SDHAF2: variants seen among roughly 807,000 people sequenced by gnomAD.
SDHAF2 encodes succinate dehydrogenase assembly factor 2, mitochondrial.
In SDHAF2, 21 loss-of-function variants were observed where a neutral mutation model predicts 18.5. That is an observed-to-expected ratio of 1.13 (90% confidence interval 0.80 to 1.63). The LOEUF (loss-of-function observed/expected upper bound fraction) is 1.63. SDHAF2 is among the 40% of genes most tolerant of loss of function. The pLI, the probability that SDHAF2 is intolerant of heterozygous loss-of-function variation, is 0.00. For missense variants in SDHAF2, 195 were observed against 200.3 expected (o/e 0.97, Z 0.16); for synonymous variants, 84 against 70.7 (o/e 1.19, Z -0.94).
In SDHAF2 at chr11:61,438,131, C is replaced by T. The variant is rs762335232; in HGVS notation, c.370+18C>T. 3 of 1,554,334 alleles carry T rather than the reference C, an allele frequency of 1.9e-6. No individual in the cohort carries two copies. The South Asian group carries it at 3.3e-5, about 17-fold the overall frequency. Reference sequence around the variant, plus strand: ...GGCCACAGGTACTGGGTATGATAAGCAGCATAATGTGAAAATAGGACAGTT... The same window carrying T: ...GGCCACAGGTACTGGGTATGATAAGTAGCATAATGTGAAAATAGGACAGTT... On this transcript the variant is annotated intron_variant, in intron 3 of 3. Coordinates refer to ENST00000301761, the MANE Select transcript of SDHAF2 (RefSeq NM_017841.4).
Position 61,446,019 on chromosome 11 carries a change from A to G in SDHAF2, c.449A>G (p.Glu150Gly), listed in dbSNP as rs1363376859. The change falls in exon 4 of 4, where the codon GAG becomes GGG. Residue 150 changes from glutamate to glycine, a missense_variant. By Grantham distance (98) the Glu-to-Gly change is moderately conservative. Coordinates refer to ENST00000301761, the MANE Select transcript of SDHAF2 (RefSeq NM_017841.4). ...GACTTTGCTAAAAACAAAAACAAAG[A>G]GCAGAGACTGCGTGCCCCAGATCTT... ...LRDFAKNKNK[E>G]QRLRAPDLEY... is the part of the protein sequence containing the mutation. 1.2e-6 allele frequency: 2 copies of G among 1,614,210 alleles called. No individual in the cohort carries two copies. Among genetic ancestry groups the G allele is most frequent in the Admixed American group, 1.7e-5 (1 of 60,028 alleles).
At chr11:61,442,247 T>C (rs1445271225) in intron 3 of SDHAF2, among the ~76,000 whole-genome samples, 1 of 152,196 alleles carries the variant, frequency 6.6e-6, no homozygotes, top group Non-Finnish European at 1.5e-5. Context: ...AGGGTCACAA[T>C]GTTTTTTCTT....
chr11:61,443,778 AT>A (rs879317356), intron 3 of SDHAF2, among the ~76,000 whole-genome samples: 256 of 144,946 alleles, frequency 1.8e-3, no homozygotes, highest in Non-Finnish European at 1.6e-3. Context: ...CACCTGGCTA[AT>A]TTTTTTTTTT....
At chr11:61,442,615 A>G (rs754491699) in intron 3 of SDHAF2, among the ~76,000 whole-genome samples, 7 of 151,872 alleles carry the variant, frequency 4.6e-5, no homozygotes, top group Non-Finnish European at 7.4e-5. Flanking sequence ...GTGTTTTCAT[A>G]TCTTTTATTA....
intron 1 of SDHAF2, chr11:61,433,013 T>C (rs1861951083): frequency 6.6e-6 from 1 of 151,732 alleles, no homozygotes; most frequent in South Asian, 2.1e-4. Flanking sequence ...ATTCTGTACT[T>C]GTCTCTCTCT....
chr11:61,434,611 A>G (rs1464422441), intron 1 of SDHAF2: 2 of 90,842 alleles, frequency 2.2e-5, no homozygotes, highest in South Asian at 6.2e-4. Flanking sequence ...TTTTTTTTTT[A>G]GAAAAAACCC....
chr11:61,435,484 C>T (rs541350395), intron 1 of SDHAF2: 1 of 152,292 alleles, frequency 6.6e-6, no homozygotes, highest in African/African-American at 2.4e-5. Flanking sequence ...GTGATTTCTA[C>T]ATTTGAAAAA....
chr11:61,432,353 C>CATA (rs1861944020), intron 1 of SDHAF2: 1 of 152,210 alleles, frequency 6.6e-6, no homozygotes, highest in Non-Finnish European at 1.5e-5. Flanking sequence ...AGCTCAGTCT[C>CATA]TTATATAAAA....
rs1861978055 is a variant in SDHAF2, at chr11:61,435,092, G to A, written c.37-2533G>A. ...GACGGGGTCTCACTGTGTTGCCCAG[G>A]CTGGTTCTCGAACTCCTGAGCTCAA... is the stretch of plus-strand genomic sequence containing the variant. On this transcript the variant is annotated intron_variant, in intron 1 of 3. Transcript: ENST00000301761. The A allele has an allele frequency of 2.0e-5, 3 of 151,854 alleles. No individual in the cohort carries two copies. The South Asian group carries it at 6.3e-4, about 32-fold the overall frequency. The allele number at this position is 151,854 out of a possible 1,614,324, so 9.4% of individuals were successfully genotyped here.
intron 3 of SDHAF2, among the ~76,000 whole-genome samples, chr11:61,443,162 C>T (rs1361615952): frequency 6.6e-6 from 1 of 152,240 alleles, no homozygotes; most frequent in Admixed American, 6.5e-5. Context: ...CTGTCTTCCA[C>T]TAATTCTTTC....
chr11:61,442,943 A>G (rs1862088466), intron 3 of SDHAF2, among the ~76,000 whole-genome samples: 1 of 152,090 alleles, frequency 6.6e-6, no homozygotes, highest in Non-Finnish European at 1.5e-5. Context: ...TTTCACAGAG[A>G]CGGGTTTCAC....
At position 61,446,153 on chromosome 11, in the gene SDHAF2, C is replaced by T. The variant is rs1404038737; in HGVS notation, c.*82C>T. On this transcript the variant is annotated 3_prime_UTR_variant, in exon 4 of 4. Coordinates refer to ENST00000301761, the MANE Select transcript of SDHAF2 (RefSeq NM_017841.4). Reference sequence around the variant, plus strand: ...TGGACGTTAGCCTTGCTTCCGGCTTCTTAGATGCCCAGCTGCCCTACCCCA... The same window carrying T: ...TGGACGTTAGCCTTGCTTCCGGCTTTTTAGATGCCCAGCTGCCCTACCCCA... The T allele has an allele frequency of 6.5e-7, 1 of 1,538,480 alleles. No individual in the cohort carries two copies. Among genetic ancestry groups the T allele is most frequent in the Admixed American group, 1.7e-5 (1 of 59,914 alleles).
In SDHAF2 at chr11:61,437,249, A is replaced by G. The variant is rs569279063; in HGVS notation, c.37-376A>G. Among the ~76,000 whole-genome samples the G allele has an allele frequency of 1.4e-4, 22 of 152,208 alleles. 1 individual carries two copies. The South Asian group carries it at 4.6e-3, about 32-fold the overall frequency. ...GTTGCCCAGGCTGGAATGCAGTGGT[A>G]CGATCACAGCTCACTGCAGCGTTGA... is the stretch of plus-strand genomic sequence containing the variant. On this transcript the variant is annotated intron_variant, in intron 1 of 3. Transcript: ENST00000301761.
chr11:61,434,946 T>A (rs1233860164), intron 1 of SDHAF2: 1 of 151,926 alleles, frequency 6.6e-6, no homozygotes, highest in Non-Finnish European at 1.5e-5. Flanking sequence ...TTAGCCAGGG[T>A]GGTCTTGATC....
intron 3 of SDHAF2, 140 bp from the exon 4 acceptor site, chr11:61,445,801 T>G (rs1407286661): frequency 9.7e-7 from 1 of 1,026,288 alleles, no homozygotes; most frequent in Non-Finnish European, 1.5e-6. Flanking sequence ...TAGGCTAACA[T>G]CGTGTATATT....
chr11:61,445,805 G>A (rs965084122), intron 3 of SDHAF2, 136 bp from the exon 4 acceptor site: 1 of 1,065,332 alleles, frequency 9.4e-7, no homozygotes, highest in Non-Finnish European at 1.4e-6. Flanking sequence ...CTAACATCGT[G>A]TATATTTAGA....
At chr11:61,440,065 C>T (rs929339787) in intron 3 of SDHAF2, among the ~76,000 whole-genome samples, 1 of 152,146 alleles carries the variant, frequency 6.6e-6, no homozygotes, top group Non-Finnish European at 1.5e-5. Flanking sequence ...ATCACATGCT[C>T]CTCCTCTGGG....
chr11:61,430,844 C>T (rs1283951213), intron 1 of SDHAF2: 2 of 151,912 alleles, frequency 1.3e-5, no homozygotes, highest in African/African-American at 4.8e-5. Context: ...ACCCCCATCC[C>T]TATCTTTATT....
intron 3 of SDHAF2, among the ~76,000 whole-genome samples, chr11:61,440,218 T>A (rs1862045982): frequency 6.6e-6 from 1 of 151,984 alleles, no homozygotes; most frequent in African/African-American, 2.4e-5. Context: ...GGCAAGAGAA[T>A]CTCTTGAATC....
Sources: allele counts gnomAD v4.1 joint callset (sites outside exome capture counted in the v4.1 genomes callset), GRCh38; gene constraint gnomAD v4.1.1; transcripts MANE v1.5; gene names NCBI Gene and HGNC (gene_info 2026-07-23, HGNC 2026-07-21).